Variants in PHACTR1 observed in about 807,000 individuals in gnomAD.
PHACTR1 encodes RPEL repeat containing 1.
A neutral mutation model predicts 69.2 loss-of-function variants in PHACTR1; 16 were observed. The ratio of observed to expected loss-of-function variants is 0.23; its 90% CI spans 0.16 to 0.35. The LOEUF is 0.35. PHACTR1 is among the 10% of genes least tolerant of loss of function. The probability of loss-of-function intolerance (pLI) is 1.00; values close to 1 mark genes in which losing one functional copy is unlikely to be tolerated. For missense variants in PHACTR1, 510 were observed against 734.7 expected (o/e 0.69, Z 3.54); for synonymous variants, 312 against 284.5 (o/e 1.10, Z -0.97).
At chr6:13,276,246 C>A (rs1377741354) in intron 11 of PHACTR1, 2 of 152,208 alleles carry the variant, frequency 1.3e-5, no homozygotes, top group African/African-American at 4.8e-5. Flanking sequence ...GTGACCTCAG[C>A]CCACAGCAAG....
intron 4 of PHACTR1, among the ~76,000 whole-genome samples, chr6:12,768,008 T>A (rs1768863327): frequency 6.6e-6 from 1 of 152,058 alleles, no homozygotes; most frequent in Admixed American, 6.6e-5. Flanking sequence ...ATTAGGTTTG[T>A]CAACTGGGAA....
intron 7 of PHACTR1, among the ~76,000 whole-genome samples, chr6:13,199,185 A>AGACCAGCTTGGC (rs1296063447): frequency 6.6e-6 from 1 of 152,136 alleles, no homozygotes; most frequent in Non-Finnish European, 1.5e-5. Flanking sequence ...CAGGAGTTTG[A>AGACCAGCTTGGC]GACCAGCTTG....
chr6:13,058,017 A>T (rs1409415236), intron 5 of PHACTR1, among the ~76,000 whole-genome samples: 1 of 152,168 alleles, frequency 6.6e-6, no homozygotes, highest in African/African-American at 2.4e-5. Flanking sequence ...AGGGAAGACG[A>T]TCCTCACATG....
Position 13,246,203 on chromosome 6 carries a change from C to G in PHACTR1, c.1391+16010C>G, listed in dbSNP as rs540677364. Among the ~76,000 whole-genome samples the G allele has an allele frequency of 6.6e-6, 1 of 152,138 alleles. No homozygotes were observed. Among genetic ancestry groups the G allele is most frequent in the Non-Finnish European group, 1.5e-5 (1 of 68,024 alleles). On this transcript the variant is annotated intron_variant, in intron 10 of 14. Transcript: ENST00000332995. The surrounding 1 kb of genome is among the most constrained non-coding windows in gnomAD (Gnocchi z 4.2). ...GCAACCATAACAACTCATATATCTT[C>G]GTTGATTTTCTCAAAAGAAAAATAA...
At chr6:12,738,938 A>T (rs1219748771) in intron 3 of PHACTR1, among the ~76,000 whole-genome samples, 1 of 152,182 alleles carries the variant, frequency 6.6e-6, no homozygotes, top group African/African-American at 2.4e-5. Flanking sequence ...TATGTTTTTT[A>T]AACCAGTTTT....
rs542544471 is a variant in PHACTR1 at position 13,139,068 on chromosome 6, CTTAG to C, written c.416-21131_416-21128del. 2.3e-3 allele frequency among the ~76,000 whole-genome samples: 350 copies of C among 149,368 alleles called. 2 individuals are homozygous for C. The highest frequency in any genetic ancestry group is 4.0e-3 in the Non-Finnish European group (274 of 67,680). On this transcript the variant is annotated intron_variant, in intron 5 of 14. Transcript: ENST00000332995. ...TTTACATGAAAGCCACAGTTTTATACTTAGTTAGAGAAATCATATCAAGAGGGTT... is the reference window on the plus strand; with the variant it reads ...TTTACATGAAAGCCACAGTTTTATACTTAGAGAAATCATATCAAGAGGGTT...
intron 10 of PHACTR1, among the ~76,000 whole-genome samples, chr6:13,253,928 T>A (rs948628923): frequency 6.6e-6 from 1 of 152,212 alleles, no homozygotes. Flanking sequence ...GGGGCACACA[T>A]TAGAAACCAA....
At chr6:12,991,946 T>G (rs1319115421) in intron 4 of PHACTR1, among the ~76,000 whole-genome samples, 3 of 152,014 alleles carry the variant, frequency 2.0e-5, no homozygotes, top group Non-Finnish European at 4.4e-5. Flanking sequence ...CTGTGTCTTT[T>G]TTTTTTTTTA....
chr6:13,157,418 C>T (rs1299611204), intron 5 of PHACTR1, among the ~76,000 whole-genome samples: 1 of 152,218 alleles, frequency 6.6e-6, no homozygotes, highest in African/African-American at 2.4e-5. Flanking sequence ...AGTCTGTAAA[C>T]TCTATCACGG....
chr6:12,719,238 A>T (rs1173000530), intron 3 of PHACTR1, among the ~76,000 whole-genome samples: 2 of 152,214 alleles, frequency 1.3e-5, no homozygotes, highest in African/African-American at 4.8e-5. Context: ...ATCCAGCAGG[A>T]TTAGGGGCTC....
At position 13,267,495 on chromosome 6, in the gene PHACTR1, C is replaced by T. The variant is rs550761630; in HGVS notation, c.1392-5365C>T. The stretch of plus-strand genomic sequence containing the variant: ...TGCTGAATGGTTTTTTTCTGACTCA[C>T]CTCTTGCTGGCCAACTGAGATGCTG... On this transcript the variant is annotated intron_variant, in intron 10 of 14. Coordinates refer to ENST00000332995, the MANE Select transcript of PHACTR1 (RefSeq NM_030948.6). 5 of 152,228 alleles carry T rather than the reference C, an allele frequency of 3.3e-5. No homozygotes were observed. In the East Asian group the frequency reaches 7.7e-4, roughly 24 times the overall value. 9.4% of individuals were successfully genotyped at this position (152,228 alleles called of 1,614,324 possible).
At chr6:13,136,194 A>C (rs941677477) in intron 5 of PHACTR1, among the ~76,000 whole-genome samples, 2 of 152,226 alleles carry the variant, frequency 1.3e-5, no homozygotes, top group Non-Finnish European at 2.9e-5. Context: ...TATCCTAAAA[A>C]AAAAAAAGAA....
At chr6:13,139,420 C>T (rs948339519) in intron 5 of PHACTR1, among the ~76,000 whole-genome samples, 1 of 152,092 alleles carries the variant, frequency 6.6e-6, no homozygotes. Context: ...TTTGCCAACA[C>T]CTGCTCTATT....
Position 13,272,893 on chromosome 6 carries a change from G to A in PHACTR1, c.1425G>A (p.Leu475=), listed in dbSNP as rs1778060366. 6.2e-7 allele frequency: 1 copy of A among 1,613,942 alleles called. No individual in the cohort carries two copies. The highest frequency in any genetic ancestry group is 1.7e-5 in the Admixed American group (1 of 60,008). The change falls in exon 11 of 15, where the codon CTG becomes CTA. Residue 475 remains leucine, a synonymous_variant. Coordinates refer to ENST00000332995, the MANE Select transcript of PHACTR1 (RefSeq NM_030948.6). ...RLSQRPTAEE[L]EQRNILKPRN... is the part of the protein sequence containing the mutation. ...GCCAGAGGCCAACTGCAGAGGAACTGGAACAGAGGAACATTTTGAAACGTA... is the reference window on the plus strand; with the variant it reads ...GCCAGAGGCCAACTGCAGAGGAACTAGAACAGAGGAACATTTTGAAACGTA...
intron 12 of PHACTR1, among the ~76,000 whole-genome samples, chr6:13,282,395 C>A (rs572092288): frequency 6.6e-6 from 1 of 152,286 alleles, no homozygotes; most frequent in East Asian, 1.9e-4. Context: ...TGGCTAATAT[C>A]GGGAGATGGC....
intron 6 of PHACTR1, among the ~76,000 whole-genome samples, chr6:13,180,690 A>G (rs1319572720): frequency 6.6e-6 from 1 of 152,214 alleles, no homozygotes; most frequent in African/African-American, 2.4e-5. Context: ...AGGCTGAATG[A>G]CAGCTGCATC....
intron 4 of PHACTR1, among the ~76,000 whole-genome samples, chr6:12,853,346 C>A (rs978712307): frequency 6.6e-6 from 1 of 152,052 alleles, no homozygotes; most frequent in African/African-American, 2.4e-5. Context: ...CCTAGACAGG[C>A]AAAAGAAGCT....
intron 12 of PHACTR1, among the ~76,000 whole-genome samples, chr6:13,282,107 C>T (rs780737881): frequency 2.0e-5 from 3 of 152,212 alleles, no homozygotes; most frequent in Non-Finnish European, 4.4e-5. Flanking sequence ...TGGAAGCTGC[C>T]TGTTGCAGAG....
intron 12 of PHACTR1, among the ~76,000 whole-genome samples, chr6:13,282,501 G>A (rs1057009575): frequency 6.6e-6 from 1 of 152,098 alleles, no homozygotes; most frequent in Non-Finnish European, 1.5e-5. Flanking sequence ...AGTCTCCCTT[G>A]GCATAAATGT....
Sources: allele counts gnomAD v4.1 joint callset (sites outside exome capture counted in the v4.1 genomes callset), GRCh38; gene constraint gnomAD v4.1.1; non-coding constraint Gnocchi (gnomAD v3.1); transcripts MANE v1.5; gene names NCBI Gene and HGNC (gene_info 2026-07-23, HGNC 2026-07-21).